The following PIEZO2 variants were observed in gnomAD, a reference collection of about 807,000 sequenced individuals.
The protein encoded by PIEZO2 is piezo-type mechanosensitive ion channel component 2.
PIEZO2 carries 172 observed loss-of-function variants against 337.3 expected under a neutral mutation model. That is an observed-to-expected ratio of 0.51 (90% CI 0.45 to 0.58). The LOEUF (loss-of-function observed/expected upper bound fraction) is 0.58, where lower values mean the gene tolerates loss of function less well. PIEZO2 is among the 20% of genes least tolerant of loss of function. The pLI is 0.00. For missense variants in PIEZO2, 3,028 were observed against 3,391.3 expected (o/e 0.89, Z 2.66); for synonymous variants, 1,251 against 1,228.5 (o/e 1.02, Z -0.38).
intron 1 of PIEZO2, among the ~76,000 whole-genome samples, chr18:11,144,931 G>A (rs3925018): frequency 0.8 from 121,604 of 152,206 alleles, 48,693 homozygotes; most frequent in African/African-American, 0.85. Context: ...AGGAACATCA[G>A]TTAAAAACAA....
At chr18:11,118,149 T>A (rs2039938402) in intron 1 of PIEZO2, among the ~76,000 whole-genome samples, 1 of 152,192 alleles carries the variant, frequency 6.6e-6, no homozygotes, top group East Asian at 1.9e-4. Context: ...GTGTAAATGA[T>A]TCCTCAGGGT....
At chr18:10,678,285 T>TTTG (rs200448203) in intron 52 of PIEZO2, among the ~76,000 whole-genome samples, 11 of 152,294 alleles carry the variant, frequency 7.2e-5, no homozygotes, top group African/African-American at 9.6e-5. Context: ...TTTTGTTGTT[T>TTTG]TTGTTGTTGT....
intron 47 of PIEZO2, 80 bp downstream of exon 47, chr18:10,695,994 G>T: frequency 7.4e-7 from 1 of 1,351,228 alleles, no homozygotes; most frequent in African/African-American, 1.4e-5. Flanking sequence ...CAGTTCTGCT[G>T]TGCAATGCAT....
intron 7 of PIEZO2, among the ~76,000 whole-genome samples, chr18:10,825,335 G>A (rs2040637524): frequency 6.6e-6 from 1 of 152,050 alleles, no homozygotes; most frequent in Non-Finnish European, 1.5e-5. Flanking sequence ...CCTTTGTTTT[G>A]CTTTGTTTGT....
chr18:10,849,967 G>A (rs2041492205), intron 7 of PIEZO2, among the ~76,000 whole-genome samples: 1 of 152,166 alleles, frequency 6.6e-6, no homozygotes, highest in South Asian at 2.1e-4. Context: ...TCTGAGTGTG[G>A]TCACTGAGTT....
At chr18:10,692,967 C>T (rs34108975) in intron 47 of PIEZO2, among the ~76,000 whole-genome samples, 54,672 of 151,932 alleles carry the variant, frequency 0.36, 9,854 homozygotes, top group Non-Finnish European at 0.38. Flanking sequence ...AACTGCATCT[C>T]CCCCAAATTC....
In PIEZO2 at chr18:10,781,480, A is replaced by T. The variant is rs2144078524; in HGVS notation, c.2493-1114T>A. On this transcript the variant is annotated intron_variant, in intron 17 of 55. Coordinates refer to ENST00000674853, the MANE Select transcript of PIEZO2 (RefSeq NM_001378183.1). This position sits in a 1 kb window ranked among gnomAD's most constrained non-coding sequence, Gnocchi z 4.1. ...GCGAGACTCCGTTTCAAATAAAAAA[A>T]AAAACCAGTAATGAATATTTAAATA... Among the ~76,000 whole-genome samples the T allele has an allele frequency of 6.6e-6, 1 of 151,998 alleles. No individual in the cohort carries two copies.
rs1213761030 is a variant in PIEZO2, at chr18:10,850,863, T to C, written c.917+4490A>G. ...TTTCTTATTATTTTATTTTTCCAAA[T>C]GACCAAAAAACATGTGTTTAGTATA... On this transcript the variant is annotated intron_variant, in intron 7 of 55. Coordinates refer to ENST00000674853, the MANE Select transcript of PIEZO2 (RefSeq NM_001378183.1). This position sits in a 1 kb window ranked among gnomAD's most constrained non-coding sequence, Gnocchi z 4.5. Among the ~76,000 whole-genome samples, 2 of 152,174 alleles carry C rather than the reference T, an allele frequency of 1.3e-5. No individual in the cohort carries two copies. The highest frequency in any genetic ancestry group is 4.8e-5 in the African/African-American group (2 of 41,462).
rs960789139 is a variant in PIEZO2, at chr18:10,819,346, T to C, written c.918-12072A>G. The stretch of plus-strand genomic sequence containing the variant: ...AGAAATTCTTAAAGTGTACATTTTC[T>C]CTTTCATTATTCTAATGAATATCTA... On this transcript the variant is annotated intron_variant, in intron 7 of 55. Coordinates refer to ENST00000674853, the MANE Select transcript of PIEZO2 (RefSeq NM_001378183.1). This position sits in a 1 kb window ranked among gnomAD's most constrained non-coding sequence, Gnocchi z 4.3. Among the ~76,000 whole-genome samples, 1 of 152,214 alleles carries C rather than the reference T, an allele frequency of 6.6e-6. No homozygotes were observed. The highest frequency in any genetic ancestry group is 1.5e-5 in the Non-Finnish European group (1 of 68,024).
chr18:10,801,243 A>C (rs1286179289), intron 10 of PIEZO2, 147 bp downstream of exon 10: 1 of 593,648 alleles, frequency 1.7e-6, no homozygotes, highest in East Asian at 2.9e-5. Flanking sequence ...TTTAACAGCA[A>C]TCTACCAGAT....
rs2040339584 is a variant in PIEZO2, at chr18:10,815,625, G to T, written c.918-8351C>A. On this transcript the variant is annotated intron_variant, in intron 7 of 55. Coordinates refer to ENST00000674853, the MANE Select transcript of PIEZO2 (RefSeq NM_001378183.1). The surrounding 1 kb of genome is among the most constrained non-coding windows in gnomAD (Gnocchi z 4.1). ...TTCTTCCTTGTATAAAAGTATAGATGTATATAGTTCAAGCTAGAATGATAC... is the reference window on the plus strand; with the variant it reads ...TTCTTCCTTGTATAAAAGTATAGATTTATATAGTTCAAGCTAGAATGATAC... 6.6e-6 allele frequency among the ~76,000 whole-genome samples: 1 copy of T among 152,146 alleles called. No individual in the cohort carries two copies. The highest frequency in any genetic ancestry group is 1.5e-5 in the Non-Finnish European group (1 of 68,032).
At chr18:10,912,275 C>T (rs1295475657) in intron 3 of PIEZO2, among the ~76,000 whole-genome samples, 2 of 152,104 alleles carry the variant, frequency 1.3e-5, no homozygotes, top group Non-Finnish European at 2.9e-5. Context: ...TTAGGAAAAA[C>T]CTTTTTAATA....
chr18:10,829,847 G>T (rs903897248), intron 7 of PIEZO2, among the ~76,000 whole-genome samples: 1 of 151,602 alleles, frequency 6.6e-6, no homozygotes, highest in African/African-American at 2.4e-5. Context: ...AATCAATATT[G>T]TTAAAATGTC....
chr18:10,821,856 C>T lies in PIEZO2; in HGVS notation c.918-14582G>A, dbSNP rs1417774220. Among the ~76,000 whole-genome samples, 2 of 152,168 alleles carry T rather than the reference C, an allele frequency of 1.3e-5. No homozygotes were observed. Among genetic ancestry groups the T allele is most frequent in the African/African-American group, 4.8e-5 (2 of 41,448 alleles). On this transcript the variant is annotated intron_variant, in intron 7 of 55. Transcript: ENST00000674853. This position sits in a 1 kb window ranked among gnomAD's most constrained non-coding sequence, Gnocchi z 4.2. ...AGGAAAACTCCTTGTTCTCTTTTTA[C>T]TTTCTTTTTATATTGTTTGTAAATT...
At chr18:10,909,139 T>C (rs427112) in intron 4 of PIEZO2, among the ~76,000 whole-genome samples, 141,806 of 152,266 alleles carry the variant, frequency 0.93, 66,084 homozygotes, top group East Asian at 1. Context: ...AGTGATGGGT[T>C]TGTGTCAAAA....
chr18:10,844,638 A>C (rs961972777), intron 7 of PIEZO2, among the ~76,000 whole-genome samples: 3 of 151,456 alleles, frequency 2.0e-5, no homozygotes, highest in East Asian at 3.9e-4. Context: ...AAATACAAAA[A>C]AATAGCTAGG....
At chr18:10,957,773 A>T (rs2033604984) in intron 3 of PIEZO2, among the ~76,000 whole-genome samples, 1 of 152,226 alleles carries the variant, frequency 6.6e-6, no homozygotes, top group Non-Finnish European at 1.5e-5. Flanking sequence ...TACATCTGAA[A>T]AGGAGCTAAT....
chr18:11,042,887 G>C (rs951297110), intron 2 of PIEZO2, among the ~76,000 whole-genome samples: 1 of 152,192 alleles, frequency 6.6e-6, no homozygotes, highest in Non-Finnish European at 1.5e-5. Flanking sequence ...TAAATTTATG[G>C]TTAAATGAGA....
intron 30 of PIEZO2, among the ~76,000 whole-genome samples, chr18:10,747,036 AAATGAATG>A (rs572209418): frequency 6.6e-6 from 1 of 152,222 alleles, no homozygotes; most frequent in Admixed American, 6.5e-5. Context: ...GGCAGTGAAA[AAATGAATG>A]AATGAATGTG....
Sources: allele counts gnomAD v4.1 joint callset (sites outside exome capture counted in the v4.1 genomes callset), GRCh38; gene constraint gnomAD v4.1.1; non-coding constraint Gnocchi (gnomAD v3.1); transcripts MANE v1.5; gene names NCBI Gene and HGNC (gene_info 2026-07-23, HGNC 2026-07-21).